Variants in DMGDH observed in about 807,000 individuals in gnomAD.
The protein encoded by DMGDH is dimethylglycine dehydrogenase, also known as dimethylglycine dehydrogenase, mitochondrial.
In DMGDH, 76 loss-of-function variants were observed where a neutral mutation model predicts 95.2. The observed-to-expected ratio is 0.80, with a 90% CI of 0.66 to 0.97. The LOEUF (loss-of-function observed/expected upper bound fraction) is 0.97, where lower values mean the gene tolerates loss of function less well. Among genes scored for constraint, DMGDH ranks in the 50% least tolerant of loss-of-function variants. DMGDH has a pLI of 0.00. For missense variants in DMGDH, 987 were observed against 1,055.0 expected (o/e 0.94, Z 0.89); for synonymous variants, 345 against 377.6 (o/e 0.91, Z 1.00).
At chr5:79,032,565 A>G in intron 9 of DMGDH, 122 bp downstream of exon 9, 1 of 1,393,244 alleles carries the variant, frequency 7.2e-7, no homozygotes, top group East Asian at 2.3e-5. Flanking sequence ...TTTGTAGGAC[A>G]AAGCTCAGTG....
rs112482769 is a variant in DMGDH, at chr5:79,050,157, C to T, written c.745+1130G>A. Reference sequence around the variant, plus strand: ...CTGTTATTCCTGCCACTCAGGAGGCCGAGGCAGGAGAATCGCTTGAAACCT... The same window carrying T: ...CTGTTATTCCTGCCACTCAGGAGGCTGAGGCAGGAGAATCGCTTGAAACCT... On this transcript the variant is annotated intron_variant, in intron 5 of 15. Coordinates refer to ENST00000255189, the MANE Select transcript of DMGDH (RefSeq NM_013391.3). 1.1e-3 allele frequency among the ~76,000 whole-genome samples: 163 copies of T among 147,162 alleles called. 2 individuals are homozygous for T. Among genetic ancestry groups the T allele is most frequent in the African/African-American group, 3.9e-3 (157 of 39,776 alleles).
In DMGDH at chr5:79,055,860, G is replaced by A. The variant is rs181658715; in HGVS notation, c.325C>T (p.His109Tyr). 1.0e-4 allele frequency: 163 copies of A among 1,612,522 alleles called. No homozygotes were observed. The highest frequency in any genetic ancestry group is 4.7e-4 in the East Asian group (21 of 44,848). Residue 109 changes from histidine to tyrosine, a missense_variant, in exon 3 of 16, where the codon CAT (histidine) becomes TAT (tyrosine). Coordinates refer to ENST00000255189, the MANE Select transcript of DMGDH (RefSeq NM_013391.3). ...TCATAAAGTTTGATGCTATCATAAT[G>A]TATTTTCTTCAAGTTTATTCCAGGA... ...FHPGINLKKIHYDSIKLYEKL... is the reference protein window; with the variant it reads ...FHPGINLKKIYYDSIKLYEKL...
intron 2 of DMGDH, 39 bp from the exon 3 acceptor site, chr5:79,055,947 T>C (rs538946184): frequency 3.0e-6 from 4 of 1,330,560 alleles, no homozygotes; most frequent in Non-Finnish European, 4.3e-6. Flanking sequence ...GAAAAAAAAT[T>C]AACATTCTCA....
chr5:79,067,902 A>G (rs1263971955), intron 1 of DMGDH, among the ~76,000 whole-genome samples: 1 of 152,194 alleles, frequency 6.6e-6, no homozygotes, highest in Non-Finnish European at 1.5e-5. Flanking sequence ...TGCAATTGAA[A>G]TAACTCAACT....
chr5:79,014,145 AG>A lies in DMGDH; in HGVS notation c.2251-8739del, dbSNP rs1278933372. On this transcript the variant is annotated intron_variant, in intron 14 of 15. Transcript: ENST00000255189. Reference sequence around the variant, plus strand: ...GAACAGGAACCATAGTCACTAAAAAAGGGGGATAAAATAGAAACCTGGGAAA... The same window carrying A: ...GAACAGGAACCATAGTCACTAAAAAAGGGGATAAAATAGAAACCTGGGAAA... Among the ~76,000 whole-genome samples, 5 of 152,374 alleles carry A rather than the reference AG, an allele frequency of 3.3e-5. No homozygotes were observed. In the East Asian group the frequency reaches 9.6e-4, roughly 29 times the overall value.
At chr5:79,020,734 GGAAGGAGAGAGAAA>G in intron 14 of DMGDH, 2 of 984,182 alleles carry the variant, frequency 2.0e-6, no homozygotes, top group Non-Finnish European at 2.4e-6. Flanking sequence ...GGGAGAGAGG[GGAAGGAGAGAGAAA>G]AAGGGAAAGA....
At chr5:79,036,210 C>T (rs546886736) in intron 7 of DMGDH, among the ~76,000 whole-genome samples, 1 of 152,182 alleles carries the variant, frequency 6.6e-6, no homozygotes, top group Admixed American at 6.5e-5. Context: ...GCTATTGGGC[C>T]CTTGTATGAC....
At chr5:79,051,977 T>C (rs1347579000) in intron 4 of DMGDH, among the ~76,000 whole-genome samples, 1 of 152,248 alleles carries the variant, frequency 6.6e-6, no homozygotes, top group Non-Finnish European at 1.5e-5. Flanking sequence ...ATATTATATA[T>C]GGGTCTCATC....
chr5:79,033,422 G>C lies in DMGDH; in HGVS notation c.1194-14C>G, dbSNP rs1281522529. 6.2e-7 allele frequency: 1 copy of C among 1,613,702 alleles called. No homozygotes were observed. The highest frequency in any genetic ancestry group is 1.7e-5 in the Admixed American group (1 of 60,014). On this transcript the variant is annotated splice_polypyrimidine_tract_variant and intron_variant, in intron 7 of 15. Coordinates refer to ENST00000255189, the MANE Select transcript of DMGDH (RefSeq NM_013391.3). ...ATTATGCCATATCTTTCAAATACAG[G>C]GATAGAAAACCCATTACTAACACAT... is the stretch of plus-strand genomic sequence containing the variant.
chr5:79,000,557 C>T (rs1753436057), intron 15 of DMGDH: 2 of 593,038 alleles, frequency 3.4e-6, no homozygotes, highest in Admixed American at 4.0e-5. Context: ...TCACTGATAT[C>T]AAAATCCAGT....
chr5:79,000,829 T>A lies in DMGDH; in HGVS notation c.2386-2532A>T, dbSNP rs1013602566. 40 of 630,860 alleles carry A rather than the reference T, an allele frequency of 6.3e-5. No individual in the cohort carries two copies. The African/African-American group carries it at 6.6e-4, about 10-fold the overall frequency. 39.1% of individuals were successfully genotyped at this position (630,860 alleles called of 1,614,324 possible). The stretch of plus-strand genomic sequence containing the variant: ...AAGCAGGTACTCTCACCGAACCAGA[T>A]GGGGTGGCCACATATATATTTCCTC... On this transcript the variant is annotated intron_variant, in intron 15 of 15. Coordinates refer to ENST00000255189, the MANE Select transcript of DMGDH (RefSeq NM_013391.3).
intron 4 of DMGDH, among the ~76,000 whole-genome samples, chr5:79,053,908 T>A (rs576716222): frequency 6.6e-6 from 1 of 152,314 alleles, no homozygotes; most frequent in African/African-American, 2.4e-5. Flanking sequence ...ATGGAAACCC[T>A]TAGATCTGGG....
At chr5:79,008,704 T>C (rs781704417) in intron 14 of DMGDH, among the ~76,000 whole-genome samples, 3 of 151,772 alleles carry the variant, frequency 2.0e-5, no homozygotes, top group Non-Finnish European at 2.9e-5. Context: ...GAACATCAGG[T>C]ATTAGCTAAC....
intron 15 of DMGDH, chr5:79,000,473 C>T (rs985996692): frequency 2.4e-5 from 15 of 613,622 alleles, no homozygotes; most frequent in Middle Eastern, 2.7e-4. Flanking sequence ...TCAAAGTCTG[C>T]CTGAAAAGTA....
chr5:79,000,786 C>T (rs903265537), intron 15 of DMGDH: 3 of 635,892 alleles, frequency 4.7e-6, no homozygotes, highest in Non-Finnish European at 8.7e-6. Flanking sequence ...GAAACTTAGC[C>T]TGGATCCCAG....
chr5:79,012,907 GA>G (rs1285300712), intron 14 of DMGDH, among the ~76,000 whole-genome samples: 6 of 152,174 alleles, frequency 3.9e-5, no homozygotes, highest in African/African-American at 1.2e-4. Context: ...TGATGATAGG[GA>G]TTGTTGTGAA....
intron 14 of DMGDH, among the ~76,000 whole-genome samples, chr5:79,008,163 C>T (rs540424554): frequency 3.9e-5 from 6 of 152,162 alleles, no homozygotes; most frequent in Non-Finnish European, 7.4e-5. Context: ...TATGTGGAGG[C>T]AGAAATGCAA....
chr5:79,042,106 A>G (rs1463227242), intron 7 of DMGDH, among the ~76,000 whole-genome samples, 177 bp downstream of exon 7: 4 of 152,202 alleles, frequency 2.6e-5, no homozygotes, highest in Non-Finnish European at 4.4e-5. Context: ...AGTATTTTTT[A>G]TTCATTGTAT....
At position 79,035,163 on chromosome 5, in the gene DMGDH, A is replaced by C. The variant is rs189991522; in HGVS notation, c.1194-1755T>G. Among the ~76,000 whole-genome samples, 57 of 152,290 alleles carry C rather than the reference A, an allele frequency of 3.7e-4. 1 individual carries two copies. The East Asian group carries it at 0.011, about 29-fold the overall frequency. On this transcript the variant is annotated intron_variant, in intron 7 of 15. Coordinates refer to ENST00000255189, the MANE Select transcript of DMGDH (RefSeq NM_013391.3). The stretch of plus-strand genomic sequence containing the variant: ...CATGGGGCATCCAAGTTATCCACAA[A>C]CAACCTCTCTAAATTTTAAGAAAGC...
Sources: gnomAD v4.1 joint callset for allele counts (sites outside exome capture counted in the v4.1 genomes callset) on GRCh38, gnomAD v4.1.1 for gene constraint, MANE v1.5 for transcripts, NCBI Gene and HGNC (gene_info 2026-07-23, HGNC 2026-07-21) for gene names.